Variants in ZNF846 observed in about 807,000 individuals in gnomAD.
ZNF846 encodes the protein zinc finger protein 420 pseudogene.
Under a neutral mutation model 16.0 loss-of-function variants are expected in ZNF846, and 15 were observed. The ratio of observed to expected loss-of-function variants is 0.94; its 90% confidence interval spans 0.63 to 1.45. The LOEUF is 1.45. ZNF846 is among the 40% of genes most tolerant of loss of function. The pLI, the probability that ZNF846 is intolerant of heterozygous loss-of-function variation, is 0.00. For synonymous variants in ZNF846, 229 were observed against 212.0 expected (o/e 1.08, Z -0.70); for missense variants, 714 against 622.3 (o/e 1.15, Z -1.57).
intron 1 of ZNF846, among the ~76,000 whole-genome samples, chr19:9,779,046 G>C (rs2045474927): frequency 6.6e-6 from 1 of 152,056 alleles, no homozygotes; most frequent in African/African-American, 2.4e-5. Flanking sequence ...ATTGAATCTA[G>C]GCTTAAACTC....
At chr19:9,776,098 G>A (rs546309344) in intron 1 of ZNF846, among the ~76,000 whole-genome samples, 37 of 152,312 alleles carry the variant, frequency 2.4e-4, no homozygotes, top group African/African-American at 4.6e-4. Context: ...TAATGCCAGC[G>A]TCTGGGAAGA....
chr19:9,763,366 C>A lies in ZNF846; in HGVS notation c.58G>T (p.Glu20Ter), dbSNP rs769607120. 1 of 1,611,480 alleles carries A rather than the reference C, an allele frequency of 6.2e-7. No homozygotes were observed. The highest frequency in any genetic ancestry group is 8.5e-7 in the Non-Finnish European group (1 of 1,178,454). Residue 20 changes from glutamate to a stop codon, truncating the protein, a stop_gained, in exon 3 of 6, where the codon GAG becomes TAG. Coordinates refer to ENST00000397902, the Ensembl canonical transcript of ZNF846. LOFTEE classifies it high-confidence loss of function. ...GCTTGATCCAACAAAGTCCACTCCTCCTGGGTAAAGTCCACAGCCACATCC... is the reference window on the plus strand; with the variant it reads ...GCTTGATCCAACAAAGTCCACTCCTACTGGGTAAAGTCCACAGCCACATCC...
downstream of ZNF846, among the ~76,000 whole-genome samples, chr19:9,755,978 T>C (rs2045130253): frequency 6.8e-6 from 1 of 148,050 alleles, no homozygotes; most frequent in Admixed American, 6.7e-5. Flanking sequence ...GCAATTGGGA[T>C]TAAAGGCACC....
downstream of ZNF846, among the ~76,000 whole-genome samples, chr19:9,753,243 T>TA (rs2045102950): frequency 8.7e-6 from 1 of 114,648 alleles, no homozygotes; most frequent in Non-Finnish European, 2.0e-5. Context: ...TTTATTTATT[T>TA]ATTTATTTAT....
At chr19:9,754,603 C>G (rs531897394), downstream of ZNF846, among the ~76,000 whole-genome samples, 62 of 134,012 alleles carry the variant, frequency 4.6e-4, 2 homozygotes, top group African/African-American at 1.8e-3. Context: ...GGGCAACATA[C>G]AGTTGGATTG....
chr19:9,758,358 T>C, exon 6 of ZNF846: 4 of 1,613,174 alleles, frequency 2.5e-6, no homozygotes, highest in Non-Finnish European at 2.5e-6. Context: ...TCCTATAAGG[T>C]GTGAGGAATT....
At chr19:9,783,526 T>TAAA (rs1161223088) in intron 1 of ZNF846, among the ~76,000 whole-genome samples, 2 of 106,184 alleles carry the variant, frequency 1.9e-5, no homozygotes, top group Non-Finnish European at 3.8e-5. Context: ...GTCTCATCAC[T>TAAA]AAAAAAAAAA....
At chr19:9,784,420 C>T (rs924905266) in intron 1 of ZNF846, among the ~76,000 whole-genome samples, 1 of 152,234 alleles carries the variant, frequency 6.6e-6, no homozygotes. Context: ...ACAAACATCT[C>T]AGTGCAGTAT....
Position 9,774,931 on chromosome 19 carries a change from G to A in ZNF846, c.-85-9896C>T, listed in dbSNP as rs1373795048. On this transcript the variant is annotated intron_variant, in intron 1 of 4. Coordinates refer to the ZNF846 transcript ENST00000586814. ...GTAAGAATGCTGAAGAGTTTACAAAGAAATATGGGGAAAGTGACCTGTGGA... is the reference window on the plus strand; with the variant it reads ...GTAAGAATGCTGAAGAGTTTACAAAAAAATATGGGGAAAGTGACCTGTGGA... 6.8e-6 allele frequency: 11 copies of A among 1,609,256 alleles called. No homozygotes were observed. The East Asian group carries it at 2.0e-4, about 29-fold the overall frequency.
At chr19:9,767,909 G>T (rs1432272355) in intron 1 of ZNF846, among the ~76,000 whole-genome samples, 1 of 152,218 alleles carries the variant, frequency 6.6e-6, no homozygotes, top group East Asian at 1.9e-4. Context: ...CTCCAGCCTG[G>T]GCAATAAGAG....
chr19:9,752,026 C>A (rs2145153896), downstream of ZNF846: 1 of 152,362 alleles, frequency 6.6e-6, no homozygotes, highest in East Asian at 1.9e-4. Context: ...GTAATCCCAG[C>A]ACTTCGGAGG....
At chr19:9,758,667 A>G (rs1467054736) in exon 6 of ZNF846, 1 of 1,612,904 alleles carries the variant, frequency 6.2e-7, no homozygotes, top group Non-Finnish European at 8.5e-7. Flanking sequence ...TTTCTCTCCA[A>G]TGTGAGTTAT....
chr19:9,768,872 C>T (rs1339505597), upstream of ZNF846: 1 of 152,258 alleles, frequency 6.6e-6, no homozygotes, highest in Non-Finnish European at 1.5e-5. Context: ...GACACGCGTA[C>T]AGAAAAGTCC....
chr19:9,774,295 A>C (rs2045414759), intron 1 of ZNF846, among the ~76,000 whole-genome samples: 1 of 151,906 alleles, frequency 6.6e-6, no homozygotes, highest in Non-Finnish European at 1.5e-5. Context: ...GATGAAACCC[A>C]GTCTCTACTA....
downstream of ZNF846, among the ~76,000 whole-genome samples, chr19:9,750,335 T>C (rs2045073983): frequency 6.6e-6 from 1 of 152,140 alleles, no homozygotes; most frequent in Non-Finnish European, 1.5e-5. Context: ...AGATACTATG[T>C]GCTTTCTTAT....
chr19:9,749,707 T>C (rs1182039945), downstream of ZNF846, among the ~76,000 whole-genome samples: 3 of 152,130 alleles, frequency 2.0e-5, no homozygotes, highest in Admixed American at 2.0e-4. Context: ...TTGTTGGCTA[T>C]GCATTTCCCT....
At chr19:9,749,975 C>A (rs2045071033), downstream of ZNF846, among the ~76,000 whole-genome samples, 1 of 152,062 alleles carries the variant, frequency 6.6e-6, no homozygotes, top group African/African-American at 2.4e-5. Context: ...CCTAACCACA[C>A]AAACAACTAT....
intron 1 of ZNF846, among the ~76,000 whole-genome samples, chr19:9,779,388 C>A (rs2145314202): frequency 6.6e-6 from 1 of 152,204 alleles, no homozygotes; most frequent in African/African-American, 2.4e-5. Context: ...CCTGCCTCAG[C>A]CTCCCAAGTA....
chr19:9,758,023 A>C, exon 6 of ZNF846: 1 of 1,612,830 alleles, frequency 6.2e-7, no homozygotes, highest in Non-Finnish European at 8.5e-7. Flanking sequence ...TTTGTAAGGT[A>C]TGAGGAATGA....
Sources: gnomAD v4.1 joint callset for allele counts (sites outside exome capture counted in the v4.1 genomes callset) on GRCh38, gnomAD v4.1.1 for gene constraint, MANE v1.5 for transcripts, NCBI Gene and HGNC (gene_info 2026-07-23, HGNC 2026-07-21) for gene names.